SGCD: variants seen among roughly 807,000 people sequenced by gnomAD.
The protein encoded by SGCD is delta-sarcoglycan.
A neutral mutation model predicts 36.6 loss-of-function variants in SGCD; 18 were observed. That is an observed-to-expected ratio of 0.49 (90% CI 0.34 to 0.73). The LOEUF (loss-of-function observed/expected upper bound fraction) is 0.73, where lower values mean the gene tolerates loss of function less well. Among genes scored for constraint, SGCD ranks in the 30% least tolerant of loss-of-function variants. The pLI is 0.01. For missense variants in SGCD, 387 were observed against 346.7 expected, an observed-to-expected ratio of 1.12 and a Z score of -0.92; for synonymous variants, 133 against 130.6, an observed-to-expected ratio of 1.02 and a Z score of -0.12.
rs553855421 is a variant in SGCD, at chr5:156,752,403, TC to T, written c.576-5171del. On this transcript the variant is annotated intron_variant, in intron 7 of 8. Transcript: ENST00000337851. ...AAACCATTGTCATTCTTTCTTTTTT[TC>T]CCCCCCAAGATGGAGTCTTGCTCTG... Among the ~76,000 whole-genome samples, 334 of 152,118 alleles carry T rather than the reference TC, an allele frequency of 2.2e-3. 2 individuals are homozygous for T. Among genetic ancestry groups the T allele is most frequent in the African/African-American group, 6.6e-3 (274 of 41,504 alleles).
At chr5:156,082,283 G>A (rs1423198298) in intron 1 of SGCD, among the ~76,000 whole-genome samples, 1 of 146,228 alleles carries the variant, frequency 6.8e-6, no homozygotes, top group East Asian at 2.0e-4. Context: ...GGGGGTCCAG[G>A]GGGTGGGGGT....
intron 4 of SGCD, among the ~76,000 whole-genome samples, chr5:156,580,072 T>G (rs1760181379): frequency 1.3e-5 from 2 of 152,214 alleles, no homozygotes; most frequent in African/African-American, 2.4e-5. Context: ...TTTCCATGTT[T>G]AGTGCTTCCT....
intron 3 of SGCD, among the ~76,000 whole-genome samples, chr5:156,374,669 T>TC: frequency 6.6e-6 from 1 of 150,996 alleles, no homozygotes; most frequent in Admixed American, 6.6e-5. Context: ...TGTCTTTTTT[T>TC]TTTTTTTTTT....
chr5:156,755,888 A>AG (rs1321945917), intron 7 of SGCD, among the ~76,000 whole-genome samples: 1 of 152,192 alleles, frequency 6.6e-6, no homozygotes, highest in Non-Finnish European at 1.5e-5. Context: ...AGCAATCCTC[A>AG]GGAACCTAGA....
the SGCD span, among the ~76,000 whole-genome samples, chr5:155,854,150 G>A: frequency 5.3e-5 from 8 of 152,118 alleles, no homozygotes; most frequent in African/African-American, 1.2e-4. Context: ...ATTAGGATTC[G>A]TTAATCAAGG....
At chr5:156,003,171 C>T (rs1758695725) in intron 1 of SGCD, among the ~76,000 whole-genome samples, 1 of 152,178 alleles carries the variant, frequency 6.6e-6, no homozygotes, top group Non-Finnish European at 1.5e-5. Flanking sequence ...TTATTTTCCT[C>T]CATAGTAGGT....
chr5:156,736,222 A>C (rs1328996880), intron 7 of SGCD, among the ~76,000 whole-genome samples: 2 of 151,618 alleles, frequency 1.3e-5, no homozygotes, highest in Non-Finnish European at 2.9e-5. Context: ...AGAGCCACGC[A>C]TCCTATCTGC....
At chr5:156,179,742 G>A (rs1763558884) in intron 3 of SGCD, among the ~76,000 whole-genome samples, 1 of 150,936 alleles carries the variant, frequency 6.6e-6, no homozygotes, top group Non-Finnish European at 1.5e-5. Flanking sequence ...TTCTGCCTCA[G>A]CCTCCCCAGT....
intron 7 of SGCD, among the ~76,000 whole-genome samples, chr5:156,652,205 G>T (rs1206780577): frequency 6.6e-6 from 1 of 152,072 alleles, no homozygotes; most frequent in Non-Finnish European, 1.5e-5. Context: ...GTTGGACTGG[G>T]TGTGGTGGCT....
intron 3 of SGCD, among the ~76,000 whole-genome samples, chr5:156,244,559 A>T (rs1316805055): frequency 3.3e-5 from 5 of 152,138 alleles, no homozygotes; most frequent in Admixed American, 3.3e-4. Context: ...TTTACTCCTA[A>T]ATGATTCAGT....
chr5:156,164,680 T>C (rs1334556306), intron 3 of SGCD, among the ~76,000 whole-genome samples: 1 of 152,336 alleles, frequency 6.6e-6, no homozygotes, highest in Non-Finnish European at 1.5e-5. Context: ...TGTCAGTGAT[T>C]TGTAGAGGGC....
chr5:156,313,892 A>G (rs1407920108), intron 3 of SGCD, among the ~76,000 whole-genome samples: 1 of 150,940 alleles, frequency 6.6e-6, no homozygotes, highest in Non-Finnish European at 1.5e-5. Context: ...CTTCCTGAAA[A>G]TATGCATAAA....
At chr5:156,217,209 A>C (rs757133338) in intron 3 of SGCD, among the ~76,000 whole-genome samples, 2 of 152,250 alleles carry the variant, frequency 1.3e-5, no homozygotes, top group Non-Finnish European at 2.9e-5. Flanking sequence ...CATTGACCTC[A>C]CTGAAAGTGA....
At chr5:155,915,128 G>A (rs570854618) in intron 1 of SGCD, among the ~76,000 whole-genome samples, 1 of 152,198 alleles carries the variant, frequency 6.6e-6, no homozygotes, top group African/African-American at 2.4e-5. Context: ...TACATATAAA[G>A]CATATTAAAA....
chr5:156,697,580 G>A (rs1367343965), intron 7 of SGCD, among the ~76,000 whole-genome samples: 1 of 152,158 alleles, frequency 6.6e-6, no homozygotes, highest in African/African-American at 2.4e-5. Flanking sequence ...GAGTTAAGGA[G>A]CCCTGCCATG....
At chr5:155,813,661 A>G in the SGCD span, among the ~76,000 whole-genome samples, 7 of 152,190 alleles carry the variant, frequency 4.6e-5, no homozygotes, top group Non-Finnish European at 1.0e-4. Context: ...CTATAACCTC[A>G]GAATATTTGC....
chr5:155,982,935 C>A (rs1027697321), intron 1 of SGCD, among the ~76,000 whole-genome samples: 8 of 152,034 alleles, frequency 5.3e-5, no homozygotes, highest in Non-Finnish European at 1.0e-4. Context: ...AGATAGATAA[C>A]CCCAGTGAAG....
intron 7 of SGCD, among the ~76,000 whole-genome samples, chr5:156,681,224 A>ACCACTG (rs1753709375): frequency 6.6e-6 from 1 of 152,154 alleles, no homozygotes; most frequent in Non-Finnish European, 1.5e-5. Context: ...CGAAGACTTT[A>ACCACTG]CTGAGCGGTA....
At chr5:156,073,967 C>G (rs1054076946) in intron 1 of SGCD, among the ~76,000 whole-genome samples, 9 of 152,100 alleles carry the variant, frequency 5.9e-5, no homozygotes. Flanking sequence ...AAGGACAACC[C>G]AGCTAGGTCT....
Sources: gnomAD v4.1 joint callset for allele counts (sites outside exome capture counted in the v4.1 genomes callset) on GRCh38, gnomAD v4.1.1 for gene constraint, MANE v1.5 for transcripts, NCBI Gene and HGNC (gene_info 2026-07-23, HGNC 2026-07-21) for gene names.